Variants in HSPA12A observed in about 807,000 individuals in gnomAD.
HSPA12A encodes heat shock protein family A (Hsp70) member 12A.
HSPA12A carries 28 observed loss-of-function variants against 69.2 expected under a neutral mutation model. The observed-to-expected ratio is 0.40, with a 90% CI of 0.30 to 0.55. The LOEUF (loss-of-function observed/expected upper bound fraction) is 0.55. Among genes scored for constraint, HSPA12A ranks in the 20% least tolerant of loss-of-function variants. HSPA12A has a pLI of 0.38. For missense variants in HSPA12A, 686 were observed against 900.7 expected, an observed-to-expected ratio of 0.76 and a Z score of 3.05; for synonymous variants, 345 against 370.5, an observed-to-expected ratio of 0.93 and a Z score of 0.79.
Position 116,742,442 on chromosome 10 carries a change from C to A in HSPA12A, c.28G>T (p.Asp10Tyr). The A allele has an allele frequency of 7.1e-7, 1 of 1,409,878 alleles. No individual in the cohort carries two copies. Among genetic ancestry groups the A allele is most frequent in the South Asian group, 1.4e-5 (1 of 71,392 alleles). The allele number at this position is 1,409,878 out of a possible 1,614,324, so 87.3% of individuals were successfully genotyped here. ...AGCCTGCGCTCACCTCGGGGCCCGT[C>A]GCTGCCGCCGGCCTCCTTGTCCGCC... MADKEAGGSDGPRETAPTSA... is the reference protein window; with the variant it reads MADKEAGGSYGPRETAPTSA... The change falls in exon 1 of 12, where the codon GAC becomes TAC. Residue 10 changes from aspartate to tyrosine, a missense_variant. Asp to Tyr is a radical substitution (Grantham distance 160). Coordinates refer to ENST00000369209, the MANE Select transcript of HSPA12A (RefSeq NM_025015.3).
At chr10:116,819,914 C>A (rs1215098723) in intron 2 of HSPA12A, among the ~76,000 whole-genome samples, 2 of 152,190 alleles carry the variant, frequency 1.3e-5, no homozygotes, top group East Asian at 3.9e-4. Flanking sequence ...GCAGCCTCAA[C>A]TTCCTGGGCT....
chr10:116,787,592 C>T (rs939066074), intron 2 of HSPA12A, among the ~76,000 whole-genome samples: 3 of 152,008 alleles, frequency 2.0e-5, no homozygotes, highest in Non-Finnish European at 2.9e-5. Context: ...TCTAGAATTT[C>T]TGGAAGGATA....
At chr10:116,779,605 C>T (rs907355489) in intron 2 of HSPA12A, among the ~76,000 whole-genome samples, 5 of 152,308 alleles carry the variant, frequency 3.3e-5, no homozygotes, top group Admixed American at 3.3e-4. Flanking sequence ...CAGGCCCGAA[C>T]AAAGACAACA....
At chr10:116,775,729 G>A (rs1164757932) in intron 2 of HSPA12A, among the ~76,000 whole-genome samples, 3 of 152,132 alleles carry the variant, frequency 2.0e-5, no homozygotes, top group African/African-American at 4.8e-5. Flanking sequence ...AGGATTTGGG[G>A]ACATCAGGGC....
intron 2 of HSPA12A, among the ~76,000 whole-genome samples, chr10:116,819,548 A>G (rs1412445485): frequency 1.3e-5 from 2 of 152,002 alleles, no homozygotes; most frequent in Non-Finnish European, 2.9e-5. Context: ...GGCACCACCT[A>G]TGAGGAACGA....
intron 2 of HSPA12A, chr10:116,832,140 A>G (rs1409424415): frequency 6.6e-6 from 1 of 152,114 alleles, no homozygotes; most frequent in Non-Finnish European, 1.5e-5. Flanking sequence ...AAAACAGGAT[A>G]GGACAAAAAT....
chr10:116,808,976 G>A (rs1845122537), intron 2 of HSPA12A, among the ~76,000 whole-genome samples: 1 of 152,144 alleles, frequency 6.6e-6, no homozygotes, highest in African/African-American at 2.4e-5. Context: ...AGTCGGGAGG[G>A]GCCTCCTTCC....
intron 2 of HSPA12A, among the ~76,000 whole-genome samples, chr10:116,821,458 T>A (rs568934910): frequency 1.7e-4 from 26 of 152,322 alleles, no homozygotes; most frequent in Non-Finnish European, 4.4e-5. Flanking sequence ...AACCCCTATT[T>A]TAAATTCCAA....
At chr10:116,849,894 G>A (rs1846019383), upstream of HSPA12A, 2 of 838,754 alleles carry the variant, frequency 2.4e-6, no homozygotes, top group Non-Finnish European at 2.0e-6. Flanking sequence ...GAAGGAGCGG[G>A]AAGGACACCC....
At chr10:116,676,554 C>A (rs1554877750) in intron 10 of HSPA12A, 52 bp from the exon 11 acceptor site, 3 of 1,388,668 alleles carry the variant, frequency 2.2e-6, no homozygotes, top group African/African-American at 1.4e-5. Flanking sequence ...TACACGATAC[C>A]CAGGCTTATC....
At chr10:116,784,810 T>C (rs1430067766) in intron 2 of HSPA12A, among the ~76,000 whole-genome samples, 1 of 152,018 alleles carries the variant, frequency 6.6e-6, no homozygotes, top group Non-Finnish European at 1.5e-5. Context: ...TAAATAGAAA[T>C]CAACATAGAC....
At chr10:116,804,168 C>T (rs956321892) in intron 2 of HSPA12A, among the ~76,000 whole-genome samples, 7 of 152,142 alleles carry the variant, frequency 4.6e-5, no homozygotes, top group African/African-American at 1.7e-4. Flanking sequence ...AAACGATGCA[C>T]GCATTTTCTT....
At chr10:116,766,857 TAAAAA>T (rs1844088840) in intron 2 of HSPA12A, among the ~76,000 whole-genome samples, 2 of 152,100 alleles carry the variant, frequency 1.3e-5, no homozygotes, top group African/African-American at 4.8e-5. Flanking sequence ...GCTAGGAACT[TAAAAA>T]GAAAAAGCTC....
At chr10:116,676,201 G>A (rs1314176571) in intron 11 of HSPA12A, among the ~76,000 whole-genome samples, 198 bp downstream of exon 11, 5 of 152,150 alleles carry the variant, frequency 3.3e-5, no homozygotes, top group Admixed American at 6.5e-5. Flanking sequence ...TTTGCAGTAC[G>A]AGGAGAGGGA....
intron 2 of HSPA12A, among the ~76,000 whole-genome samples, chr10:116,765,887 A>C (rs1042764721): frequency 1.3e-5 from 2 of 152,186 alleles, no homozygotes; most frequent in Non-Finnish European, 2.9e-5. Context: ...AACATACCAT[A>C]TGCTGTTCTG....
At chr10:116,739,893 C>A (rs1851428257) in intron 1 of HSPA12A, among the ~76,000 whole-genome samples, 1 of 152,120 alleles carries the variant, frequency 6.6e-6, no homozygotes, top group Non-Finnish European at 1.5e-5. Context: ...CACCCCACCC[C>A]AACTGCACTT....
intron 2 of HSPA12A, among the ~76,000 whole-genome samples, chr10:116,754,869 G>T (rs1162318689): frequency 2.6e-5 from 4 of 152,144 alleles, no homozygotes; most frequent in African/African-American, 9.7e-5. Context: ...GCATACTTTG[G>T]GAAATCCTAT....
intron 2 of HSPA12A, among the ~76,000 whole-genome samples, chr10:116,833,909 T>C (rs143077333): frequency 6.6e-4 from 100 of 152,344 alleles, no homozygotes; most frequent in African/African-American, 2.4e-3. Flanking sequence ...GAAAAAAATC[T>C]AGCATCTGGG....
chr10:116,761,162 C>T (rs1345291771), intron 2 of HSPA12A, among the ~76,000 whole-genome samples: 2 of 151,942 alleles, frequency 1.3e-5, no homozygotes, highest in African/African-American at 4.8e-5. Flanking sequence ...TGAGCCTGGC[C>T]AACATGGTGA....
Sources: gnomAD v4.1 joint callset for allele counts (sites outside exome capture counted in the v4.1 genomes callset) on GRCh38, gnomAD v4.1.1 for gene constraint, MANE v1.5 for transcripts, NCBI Gene and HGNC (gene_info 2026-07-23, HGNC 2026-07-21) for gene names.